The following AGPAT3 variants were observed in gnomAD, a reference collection of about 807,000 sequenced individuals.
The protein encoded by AGPAT3 is 1-acyl-sn-glycerol-3-phosphate acyltransferase gamma.
Under a neutral mutation model 47.3 loss-of-function variants are expected in AGPAT3, and 5 were observed. The ratio of observed to expected loss-of-function variants is 0.11; its 90% CI spans 0.06 to 0.22. The LOEUF (loss-of-function observed/expected upper bound fraction) is 0.22. Among genes scored for constraint, AGPAT3 ranks in the 10% least tolerant of loss-of-function variants. AGPAT3 has a pLI of 1.00. For synonymous variants in AGPAT3, 212 were observed against 208.3 expected (o/e 1.02, Z -0.15); for missense variants, 315 against 493.0 (o/e 0.64, Z 3.42).
chr21:43,968,204 G>C, intron 4 of AGPAT3, 89 bp downstream of exon 4: 1 of 1,337,224 alleles, frequency 7.5e-7, no homozygotes, highest in South Asian at 1.3e-5. Context: ...GGGCCGGGGT[G>C]AGCAGGGGGT....
At chr21:43,909,532 G>A (rs1302676496) in intron 2 of AGPAT3, among the ~76,000 whole-genome samples, 1 of 152,164 alleles carries the variant, frequency 6.6e-6, no homozygotes, top group Non-Finnish European at 1.5e-5. Flanking sequence ...TCCTGACCTC[G>A]TGATCCACCT....
At position 43,922,180 on chromosome 21, in the gene AGPAT3, G is replaced by T. The variant is rs1462236325; in HGVS notation, c.-49+18161G>T. ...GGTGCATGTGGAGGCCCAGGCTTGTGGGGGAGTCGCACAGAGCACGTGTGT... is the reference window on the plus strand; with the variant it reads ...GGTGCATGTGGAGGCCCAGGCTTGTTGGGGAGTCGCACAGAGCACGTGTGT... On this transcript the variant is annotated intron_variant, in intron 2 of 9. Transcript: ENST00000291572. The surrounding 1 kb of genome is among the most constrained non-coding windows in gnomAD (Gnocchi z 4.9). 6.6e-6 allele frequency among the ~76,000 whole-genome samples: 1 copy of T among 152,182 alleles called. No individual in the cohort carries two copies. Among genetic ancestry groups the T allele is most frequent in the African/African-American group, 2.4e-5 (1 of 41,440 alleles).
intron 3 of AGPAT3, among the ~76,000 whole-genome samples, chr21:43,962,519 A>G (rs2088924630): frequency 6.6e-6 from 1 of 152,224 alleles, no homozygotes; most frequent in African/African-American, 2.4e-5. Flanking sequence ...AAACAGCTAA[A>G]TCCTGCCTGA....
chr21:43,904,482 C>A (rs1160137280), intron 2 of AGPAT3, among the ~76,000 whole-genome samples: 1 of 152,132 alleles, frequency 6.6e-6, no homozygotes, highest in Non-Finnish European at 1.5e-5. Context: ...GCACAATCCC[C>A]GTGGGGAGCC....
chr21:43,968,009 C>T lies in AGPAT3; in HGVS notation c.242C>T (p.Thr81Met), dbSNP rs139644030. 2.2e-4 allele frequency: 351 copies of T among 1,613,784 alleles called. No individual in the cohort carries two copies. Among genetic ancestry groups the T allele is most frequent in the African/African-American group, 4.5e-4 (34 of 74,828 alleles). The change falls in exon 4 of 10, where the codon ACG becomes ATG. Residue 81 changes from threonine (T) to methionine (M), a missense_variant. By Grantham distance (81) the Thr-to-Met change is moderately conservative (BLOSUM62 -1). Coordinates refer to ENST00000291572, the MANE Select transcript of AGPAT3 (RefSeq NM_020132.5). Reference sequence around the variant, plus strand: ...TGTACACTGTTCACGGACCAGGCCACGGTAGAGCGCTTTGGGAAGGAGCAC... The same window carrying T: ...TGTACACTGTTCACGGACCAGGCCATGGTAGAGCGCTTTGGGAAGGAGCAC... ...TECTLFTDQA[T>M]VERFGKEHAV...
chr21:43,969,358 C>T, intron 5 of AGPAT3, 79 bp downstream of exon 5: 1 of 1,567,354 alleles, frequency 6.4e-7, no homozygotes, highest in Non-Finnish European at 8.7e-7. Context: ...TGCCCACATC[C>T]CAGGCTGGGA....
At chr21:43,881,954 G>A (rs535955438) in intron 1 of AGPAT3, among the ~76,000 whole-genome samples, 3 of 152,378 alleles carry the variant, frequency 2.0e-5, no homozygotes, top group African/African-American at 4.8e-5. Context: ...ACCATGCACG[G>A]CCTATTAAAA....
chr21:43,870,175 G>C (rs1183262586), intron 1 of AGPAT3, among the ~76,000 whole-genome samples: 1 of 152,208 alleles, frequency 6.6e-6, no homozygotes, highest in Non-Finnish European at 1.5e-5. Flanking sequence ...CTGGTGCAGG[G>C]AGGCGAAGTG....
intron 2 of AGPAT3, among the ~76,000 whole-genome samples, chr21:43,926,816 C>T (rs1418903543): frequency 1.1e-4 from 17 of 151,390 alleles, no homozygotes. Context: ...AAAAAGTTAG[C>T]TGGGCGTGGT....
chr21:43,869,402 C>T (rs2085576164), intron 1 of AGPAT3, among the ~76,000 whole-genome samples: 1 of 152,208 alleles, frequency 6.6e-6, no homozygotes, highest in Non-Finnish European at 1.5e-5. Context: ...GAGAAATTAA[C>T]CAGTTGTTAT....
At chr21:43,976,805 C>T (rs186736604) in intron 7 of AGPAT3, among the ~76,000 whole-genome samples, 360 of 152,298 alleles carry the variant, frequency 2.4e-3, no homozygotes, top group African/African-American at 8.2e-3. Flanking sequence ...AAACAGGTCA[C>T]GCCTACCTGA....
chr21:43,959,060 T>G (rs2088662727), intron 2 of AGPAT3, among the ~76,000 whole-genome samples: 1 of 136,398 alleles, frequency 7.3e-6, no homozygotes, highest in Non-Finnish European at 1.6e-5. Context: ...TGTGGTATGG[T>G]ATGCGTGGTG....
intron 2 of AGPAT3, among the ~76,000 whole-genome samples, chr21:43,951,231 G>A (rs1012653285): frequency 6.6e-6 from 1 of 152,204 alleles, no homozygotes; most frequent in Non-Finnish European, 1.5e-5. Flanking sequence ...AGAAGAGGAA[G>A]GGGGGAAGGA....
At position 43,984,696 on chromosome 21, in the gene AGPAT3, G is replaced by A. The variant is rs34696467; in HGVS notation, c.*2304G>A. On this transcript the variant is annotated 3_prime_UTR_variant, in exon 10 of 10. Coordinates refer to ENST00000291572, the MANE Select transcript of AGPAT3 (RefSeq NM_020132.5). ...GAATGTTTGAATTTTTTTTTTTTGG[G>A]GGGGGGAGGGTGGATTTTGCTTTTC... 1.2e-3 allele frequency: 197 copies of A among 159,314 alleles called. 2 individuals carry two copies. Among genetic ancestry groups the A allele is most frequent in the Non-Finnish European group, 6.5e-4 (47 of 71,882 alleles). The allele number at this position is 159,314 out of a possible 1,614,324, so 9.9% of individuals were successfully genotyped here. A position where few individuals can be genotyped will look rare whatever the true frequency, so the allele number is the denominator to read the frequency against.
intron 2 of AGPAT3, among the ~76,000 whole-genome samples, chr21:43,926,444 C>T (rs886316222): frequency 2.4e-4 from 36 of 152,172 alleles, no homozygotes; most frequent in African/African-American, 7.7e-4. Context: ...TGATTTTATC[C>T]GGGATCCCCT....
intron 1 of AGPAT3, among the ~76,000 whole-genome samples, chr21:43,900,319 CA>C (rs1225246578): frequency 2.0e-5 from 3 of 152,152 alleles, no homozygotes; most frequent in Admixed American, 6.5e-5. Context: ...AGATACAGAC[CA>C]AATTTCACAG....
chr21:43,896,213 G>A (rs940345935), intron 1 of AGPAT3, among the ~76,000 whole-genome samples: 1 of 152,252 alleles, frequency 6.6e-6, no homozygotes, highest in Non-Finnish European at 1.5e-5. Flanking sequence ...CGTGATAACT[G>A]TTTTTAACTT....
chr21:43,908,200 C>G lies in AGPAT3; in HGVS notation c.-49+4181C>G, dbSNP rs1464028317. 2.0e-5 allele frequency among the ~76,000 whole-genome samples: 3 copies of G among 152,166 alleles called. No homozygotes were observed. The highest frequency in any genetic ancestry group is 2.9e-5 in the Non-Finnish European group (2 of 68,030). The stretch of plus-strand genomic sequence containing the variant: ...GCACTTGGCAAGCTTCACTTGTGCC[C>G]TAAAGCACAAAATACCAGGGCTTGG... On this transcript the variant is annotated intron_variant, in intron 2 of 9. Transcript: ENST00000291572. This position sits in a 1 kb window ranked among gnomAD's most constrained non-coding sequence, Gnocchi z 4.9.
intron 7 of AGPAT3, among the ~76,000 whole-genome samples, chr21:43,971,871 T>C (rs9976628): frequency 0.68 from 103,692 of 152,188 alleles, 36,649 homozygotes; most frequent in African/African-American, 0.87. Flanking sequence ...TCTGTCCCTT[T>C]GTGGGCTTTG....
Sources: gnomAD v4.1 joint callset for allele counts (sites outside exome capture counted in the v4.1 genomes callset) on GRCh38, gnomAD v4.1.1 for gene constraint, Gnocchi (gnomAD v3.1) non-coding constraint, MANE v1.5 for transcripts, NCBI Gene and HGNC (gene_info 2026-07-23, HGNC 2026-07-21) for gene names.